The following FRYL variants were observed in gnomAD, a reference collection of about 807,000 sequenced individuals.
The protein encoded by FRYL is protein furry homolog-like.
A neutral mutation model predicts 351.2 loss-of-function variants in FRYL; 150 were observed. The observed-to-expected ratio is 0.43, with a 90% CI of 0.37 to 0.49. The LOEUF is 0.49. Among genes scored for constraint, FRYL ranks in the 20% least tolerant of loss-of-function variants. FRYL has a pLI of 0.00. For synonymous variants in FRYL, 1,153 were observed against 1,257.1 expected, an observed-to-expected ratio of 0.92 and a Z score of 1.75; for missense variants, 3,036 against 3,619.3, an observed-to-expected ratio of 0.84 and a Z score of 4.13.
In FRYL at chr4:48,723,132, T is replaced by G. The variant is rs1282298499; in HGVS notation, c.-383-12434A>C. 5.3e-5 allele frequency among the ~76,000 whole-genome samples: 8 copies of G among 151,154 alleles called. 1 individual carries two copies. The South Asian group carries it at 1.3e-3, about 24-fold the overall frequency. On this transcript the variant is annotated intron_variant, in intron 1 of 63. Transcript: ENST00000358350. ...TCTAAAGGACCTCAAACCTAACAGG[T>G]TTTTTTTTGTTTGTTTTGTTTTGTT...
At chr4:48,623,837 A>T (rs1220809944) in intron 4 of FRYL, among the ~76,000 whole-genome samples, 3 of 152,186 alleles carry the variant, frequency 2.0e-5, no homozygotes, top group African/African-American at 7.2e-5. Context: ...TTTGGGTATA[A>T]TATATTGTAT....
chr4:48,620,576 A>G (rs1560730908), intron 6 of FRYL, 63 bp downstream of exon 6: 2 of 1,493,846 alleles, frequency 1.3e-6, no homozygotes. Flanking sequence ...TCAGTTGATA[A>G]TATCACCCCT....
intron 3 of FRYL, among the ~76,000 whole-genome samples, chr4:48,657,862 A>G (rs756766444): frequency 6.6e-6 from 1 of 152,366 alleles, no homozygotes; most frequent in Non-Finnish European, 1.5e-5. Flanking sequence ...AAGATTTGAC[A>G]CAAAAGATGA....
intron 3 of FRYL, among the ~76,000 whole-genome samples, chr4:48,650,774 T>C (rs543768868): frequency 3.2e-4 from 48 of 152,238 alleles, no homozygotes; most frequent in Non-Finnish European, 5.9e-4. Context: ...ACCAGCAATG[T>C]GGAAGATGCA....
intron 7 of FRYL, among the ~76,000 whole-genome samples, chr4:48,612,487 T>G (rs1219762793): frequency 3.8e-5 from 4 of 104,616 alleles, no homozygotes; most frequent in Non-Finnish European, 7.8e-5. Flanking sequence ...ATACTAAGAC[T>G]GTGTGTGCAC....
At chr4:48,532,685 T>C (rs1312362828) in intron 49 of FRYL, among the ~76,000 whole-genome samples, 3 of 152,130 alleles carry the variant, frequency 2.0e-5, no homozygotes, top group South Asian at 2.1e-4. Context: ...AAAAAGTTTA[T>C]ATTTAACAAA....
chr4:48,673,352 A>G (rs1316750820), intron 3 of FRYL, among the ~76,000 whole-genome samples: 1 of 151,858 alleles, frequency 6.6e-6, no homozygotes, highest in Middle Eastern at 3.2e-3. Flanking sequence ...TTCTTTAATA[A>G]AATAATAAAA....
intron 1 of FRYL, among the ~76,000 whole-genome samples, chr4:48,723,128 C>T (rs895459966): frequency 1.5e-4 from 23 of 151,800 alleles, no homozygotes; most frequent in Non-Finnish European, 3.4e-4. Context: ...TCAAACCTAA[C>T]AGGTTTTTTT....
At chr4:48,632,108 A>ATGTATATG (rs1296244528) in intron 4 of FRYL, among the ~76,000 whole-genome samples, 1,238 of 64,180 alleles carry the variant, frequency 0.019, 34 homozygotes, top group Non-Finnish European at 0.035. Context: ...ATATATATAT[A>ATGTATATG]TATATATATA....
intron 49 of FRYL, among the ~76,000 whole-genome samples, chr4:48,532,220 A>G (rs564406183): frequency 1.1e-4 from 13 of 114,442 alleles, no homozygotes; most frequent in Admixed American, 2.3e-4. Context: ...TAAGACACCA[A>G]AAAAGGAAGT....
chr4:48,513,620 G>A (rs1374616623), intron 56 of FRYL, among the ~76,000 whole-genome samples: 1 of 152,198 alleles, frequency 6.6e-6, no homozygotes, highest in Non-Finnish European at 1.5e-5. Flanking sequence ...AAATTTTGGA[G>A]CAATGCATAT....
chr4:48,658,662 G>C (rs1182450841), intron 3 of FRYL, among the ~76,000 whole-genome samples: 1 of 151,864 alleles, frequency 6.6e-6, no homozygotes, highest in Non-Finnish European at 1.5e-5. Context: ...GATGAGGTGG[G>C]AGGATCAACG....
intron 53 of FRYL, among the ~76,000 whole-genome samples, chr4:48,524,695 C>G (rs1725632436): frequency 6.6e-6 from 1 of 152,164 alleles, no homozygotes; most frequent in South Asian, 2.1e-4. Flanking sequence ...GACAGAACTA[C>G]AAATGAACAT....
chr4:48,639,486 T>TA (rs60147838), intron 3 of FRYL, among the ~76,000 whole-genome samples: 145,518 of 149,112 alleles, frequency 0.98, 71,047 homozygotes, highest in South Asian at 1. Flanking sequence ...ATCCACATGT[T>TA]AAAAAAAAAA....
chr4:48,763,103 C>G (rs7658881), intron 1 of FRYL, among the ~76,000 whole-genome samples: 1 of 132,648 alleles, frequency 7.5e-6, no homozygotes, highest in Non-Finnish European at 1.5e-5. Flanking sequence ...TTGTACAGAT[C>G]TGTAAAAAAA....
At chr4:48,558,864 C>T (rs915509401) in intron 33 of FRYL, among the ~76,000 whole-genome samples, 1 of 152,176 alleles carries the variant, frequency 6.6e-6, no homozygotes, top group African/African-American at 2.4e-5. Context: ...GCCTTTTATA[C>T]GTTGTTTAAT....
intron 5 of FRYL, 139 bp downstream of exon 5, chr4:48,622,987 C>T (rs1466364634): frequency 3.3e-6 from 2 of 597,616 alleles, no homozygotes; most frequent in African/African-American, 2.0e-5. Context: ...TTTAAAAAAA[C>T]TATCAAATCT....
intron 53 of FRYL, among the ~76,000 whole-genome samples, chr4:48,525,196 T>C (rs6831857): frequency 0.34 from 43,046 of 127,596 alleles, 7,753 homozygotes; most frequent in African/African-American, 0.39. Context: ...TATATATATA[T>C]ACACACACTT....
intron 16 of FRYL, among the ~76,000 whole-genome samples, chr4:48,591,696 T>G (rs1394330996): frequency 6.6e-6 from 1 of 152,160 alleles, no homozygotes; most frequent in Non-Finnish European, 1.5e-5. Flanking sequence ...CTGGGCTGCC[T>G]TCTCCTATCA....
Sources: gnomAD v4.1 joint callset for allele counts (sites outside exome capture counted in the v4.1 genomes callset) on GRCh38, gnomAD v4.1.1 for gene constraint, MANE v1.5 for transcripts, NCBI Gene and HGNC (gene_info 2026-07-23, HGNC 2026-07-21) for gene names.